The following PDE4D variants were observed in gnomAD, a reference collection of about 807,000 sequenced individuals.
PDE4D encodes 3',5'-cyclic-AMP phosphodiesterase 4D.
A neutral mutation model predicts 87.4 loss-of-function variants in PDE4D; 24 were observed. That is an observed-to-expected ratio of 0.27 (90% CI 0.20 to 0.39). The LOEUF (loss-of-function observed/expected upper bound fraction) is 0.39, where lower values mean the gene tolerates loss of function less well. Ranked by LOEUF, PDE4D falls within the 10% of genes least tolerant of loss-of-function variation. The pLI, the probability that PDE4D is intolerant of heterozygous loss-of-function variation, is 1.00. For synonymous variants in PDE4D, 384 were observed against 383.2 expected, an observed-to-expected ratio of 1.00 and a Z score of -0.02; for missense variants, 714 against 1,041.0, an observed-to-expected ratio of 0.69 and a Z score of 4.32.
At chr5:59,257,620 C>A (rs994815604) in intron 1 of PDE4D, among the ~76,000 whole-genome samples, 1 of 151,916 alleles carries the variant, frequency 6.6e-6, no homozygotes, top group Non-Finnish European at 1.5e-5. Flanking sequence ...CTCAGAGAGG[C>A]ATTAGAACAC....
At chr5:59,060,446 C>T (rs943082929) in intron 5 of PDE4D, among the ~76,000 whole-genome samples, 2 of 152,048 alleles carry the variant, frequency 1.3e-5, no homozygotes, top group African/African-American at 4.8e-5. Context: ...TAGGATTATA[C>T]CTTAGTCTTT....
intron 1 of PDE4D, among the ~76,000 whole-genome samples, chr5:60,451,924 T>G (rs1323282818): frequency 6.6e-6 from 1 of 152,060 alleles, no homozygotes; most frequent in Non-Finnish European, 1.5e-5. Flanking sequence ...GAAATATTAT[T>G]ATGAACTATG....
intron 1 of PDE4D, among the ~76,000 whole-genome samples, chr5:59,378,443 T>C (rs1258594912): frequency 6.6e-6 from 1 of 151,930 alleles, no homozygotes; most frequent in Non-Finnish European, 1.5e-5. Context: ...AAAAAAAGAA[T>C]TCAGAAGAAG....
intron 1 of PDE4D, among the ~76,000 whole-genome samples, chr5:59,892,389 T>C (rs1459105275): frequency 1.3e-5 from 2 of 152,104 alleles, no homozygotes; most frequent in Non-Finnish European, 2.9e-5. Flanking sequence ...AACAAGGCGC[T>C]TTCTTCCTGG....
intron 1 of PDE4D, among the ~76,000 whole-genome samples, chr5:59,231,816 C>T (rs540775067): frequency 6.6e-5 from 10 of 152,268 alleles, no homozygotes; most frequent in Admixed American, 6.5e-5. Context: ...TGATCTTCCT[C>T]GGTTAACAGA....
At chr5:60,302,181 G>A (rs952407728) in intron 1 of PDE4D, among the ~76,000 whole-genome samples, 1 of 152,134 alleles carries the variant, frequency 6.6e-6, no homozygotes, top group Non-Finnish European at 1.5e-5. Context: ...GATGATGCTG[G>A]CCTCATAGAA....
chr5:59,726,683 C>T (rs895220644), intron 1 of PDE4D, among the ~76,000 whole-genome samples: 8 of 152,092 alleles, frequency 5.3e-5, no homozygotes, highest in East Asian at 1.9e-4. Context: ...CATGTGCCAA[C>T]GTAATATCGT....
At chr5:59,128,719 T>C (rs886244056) in intron 5 of PDE4D, among the ~76,000 whole-genome samples, 1 of 152,200 alleles carries the variant, frequency 6.6e-6, no homozygotes, top group Admixed American at 6.5e-5. Context: ...AATGTTTGTT[T>C]CTCTTGAAGA....
At chr5:59,291,908 A>G (rs1210328883) in intron 1 of PDE4D, among the ~76,000 whole-genome samples, 3 of 151,860 alleles carry the variant, frequency 2.0e-5, no homozygotes, top group African/African-American at 7.3e-5. Flanking sequence ...ACAACATAGA[A>G]CAGTGATTTT....
At chr5:59,976,844 T>C (rs1313796172) in intron 3 of PDE4D, among the ~76,000 whole-genome samples, 1 of 152,202 alleles carries the variant, frequency 6.6e-6, no homozygotes, top group Non-Finnish European at 1.5e-5. Context: ...TATTATTATA[T>C]CTGCTAGGGT....
At chr5:59,442,771 T>C (rs1797831712) in intron 1 of PDE4D, among the ~76,000 whole-genome samples, 1 of 152,156 alleles carries the variant, frequency 6.6e-6, no homozygotes, top group African/African-American at 2.4e-5. Context: ...TGGGGAAATT[T>C]TCAAAATATC....
At chr5:60,066,094 C>T (rs1361045939) in intron 2 of PDE4D, among the ~76,000 whole-genome samples, 1 of 152,134 alleles carries the variant, frequency 6.6e-6, no homozygotes, top group East Asian at 1.9e-4. Flanking sequence ...TCTCCAGCAC[C>T]TGTTGTTTCC....
chr5:60,083,192 A>G (rs968641865), intron 2 of PDE4D, among the ~76,000 whole-genome samples: 2 of 152,184 alleles, frequency 1.3e-5, no homozygotes, highest in African/African-American at 4.8e-5. Context: ...TTGCAATTGG[A>G]CAATATATAT....
chr5:59,157,548 T>C (rs1425247827), intron 5 of PDE4D, among the ~76,000 whole-genome samples: 2 of 152,222 alleles, frequency 1.3e-5, no homozygotes, highest in Non-Finnish European at 2.9e-5. Flanking sequence ...CTGATCATAA[T>C]GACATTCAAT....
intron 3 of PDE4D, among the ~76,000 whole-genome samples, chr5:59,927,020 A>G (rs1159082818): frequency 6.6e-6 from 1 of 152,206 alleles, no homozygotes; most frequent in Non-Finnish European, 1.5e-5. Context: ...ACATTCTATG[A>G]GGTATGGGAG....
intron 1 of PDE4D, among the ~76,000 whole-genome samples, chr5:60,404,161 C>CTTT (rs35780128): frequency 3.0e-4 from 36 of 119,354 alleles, no homozygotes; most frequent in Non-Finnish European, 4.3e-4. Context: ...TCAGCCAATT[C>CTTT]TTTTTTTTTT....
chr5:59,395,010 T>A (rs1028994270), intron 1 of PDE4D, among the ~76,000 whole-genome samples: 4 of 152,188 alleles, frequency 2.6e-5, no homozygotes, highest in African/African-American at 9.7e-5. Context: ...ACCCGAATAC[T>A]GCGCTTTTCC....
chr5:59,419,493 G>C (rs1794141257), intron 1 of PDE4D, among the ~76,000 whole-genome samples: 2 of 152,280 alleles, frequency 1.3e-5, no homozygotes, highest in East Asian at 3.9e-4. Context: ...TCTGTCTTTA[G>C]ATTTTAAGCT....
intron 1 of PDE4D, among the ~76,000 whole-genome samples, chr5:59,558,080 T>C (rs1200710479): frequency 2.1e-4 from 32 of 152,226 alleles, no homozygotes; most frequent in Admixed American, 2.1e-3. Flanking sequence ...TTTAGATTTA[T>C]TGCAAACCAT....
Sources: gnomAD v4.1 joint callset for allele counts (sites outside exome capture counted in the v4.1 genomes callset) on GRCh38, gnomAD v4.1.1 for gene constraint, MANE v1.5 for transcripts, NCBI Gene and HGNC (gene_info 2026-07-23, HGNC 2026-07-21) for gene names.